Variants in CACNA2D4 observed in about 807,000 individuals in gnomAD.
The protein encoded by CACNA2D4 is voltage-dependent calcium channel subunit alpha-2/delta-4.
In CACNA2D4, 157 loss-of-function variants were observed where a neutral mutation model predicts 163.8. The ratio of observed to expected loss-of-function variants is 0.96; its 90% CI spans 0.84 to 1.09. The LOEUF (loss-of-function observed/expected upper bound fraction) is 1.09, where lower values mean the gene tolerates loss of function less well. Ranked by LOEUF, CACNA2D4 falls within the 50% of genes least tolerant of loss-of-function variation. The pLI, the probability that CACNA2D4 is intolerant of heterozygous loss-of-function variation, is 0.00. For synonymous variants in CACNA2D4, 598 were observed against 586.9 expected, an observed-to-expected ratio of 1.02 and a Z score of -0.27; for missense variants, 1,410 against 1,479.9, an observed-to-expected ratio of 0.95 and a Z score of 0.78.
At chr12:1,848,032 C>G (rs1181968185) in intron 23 of CACNA2D4, among the ~76,000 whole-genome samples, 4 of 152,160 alleles carry the variant, frequency 2.6e-5, no homozygotes, top group Non-Finnish European at 1.5e-5. Context: ...CTGTCTGTCT[C>G]TCTCTGTCTT....
intron 6 of CACNA2D4, among the ~76,000 whole-genome samples, chr12:1,892,916 CA>C (rs1249321220): frequency 6.6e-6 from 1 of 152,028 alleles, no homozygotes; most frequent in Non-Finnish European, 1.5e-5. Flanking sequence ...TATATAATGA[CA>C]AAAGGATCAA....
rs1392804687 is a variant in CACNA2D4, at chr12:1,875,314, T to C, written c.1743A>G (p.Lys581=). 1 of 1,613,550 alleles carries C rather than the reference T, an allele frequency of 6.2e-7. No individual in the cohort carries two copies. The highest frequency in any genetic ancestry group is 2.2e-5 in the East Asian group (1 of 44,874). The change falls in exon 17 of 38, where the codon AAA becomes AAG. Residue 581 remains lysine, a synonymous_variant. Coordinates refer to ENST00000382722, the MANE Select transcript of CACNA2D4 (RefSeq NM_172364.5). This position sits in a 1 kb window ranked among gnomAD's most constrained non-coding sequence, Gnocchi z 4.0. ...RPLYREGKKL[K]PKPNYNSVDL... ...CCACACTGTTGTAGTTAGGTTTGGG[T>C]TTTAGTTTCTTCCCCTCTCTGTACT...
rs1313756339 is a variant in CACNA2D4 at position 1,844,277 on chromosome 12, A to T, written c.2470+125T>A. Reference sequence around the variant, plus strand: ...CATGCAGGAGGGAAGGCAGGAGGGGAACCCTGGTGGTCTGGACATTCTATT... The same window carrying T: ...CATGCAGGAGGGAAGGCAGGAGGGGTACCCTGGTGGTCTGGACATTCTATT... On this transcript the variant is annotated intron_variant, in intron 25 of 37. Transcript: ENST00000382722. This position sits in a 1 kb window ranked among gnomAD's most constrained non-coding sequence, Gnocchi z 4.2. The T allele has an allele frequency of 5.9e-6, 7 of 1,179,844 alleles. No homozygotes were observed. In the Admixed American group the frequency reaches 1.8e-4, roughly 30 times the overall value. 73.1% of individuals were successfully genotyped at this position (1,179,844 alleles called of 1,614,324 possible). A position where few individuals can be genotyped will look rare whatever the true frequency, so the allele number is the denominator to read the frequency against.
At chr12:1,807,025 C>G (rs1863562236) in intron 29 of CACNA2D4, among the ~76,000 whole-genome samples, 1 of 151,962 alleles carries the variant, frequency 6.6e-6, no homozygotes, top group South Asian at 2.1e-4. Flanking sequence ...CCTGGGAGTC[C>G]TGCCCTTGTG....
chr12:1,893,969 G>GT (rs754580898), intron 6 of CACNA2D4, among the ~76,000 whole-genome samples: 2 of 152,068 alleles, frequency 1.3e-5, no homozygotes, highest in African/African-American at 2.4e-5. Flanking sequence ...TGAAAAGTTG[G>GT]TTTTTGAAAA....
At chr12:1,867,405 T>C (rs1245117183) in intron 18 of CACNA2D4, among the ~76,000 whole-genome samples, 4 of 152,122 alleles carry the variant, frequency 2.6e-5, no homozygotes, top group East Asian at 1.9e-4. Context: ...TTCCCCATTT[T>C]CCCCCTGGTT....
At chr12:1,822,308 G>A (rs1437988378) in intron 26 of CACNA2D4, among the ~76,000 whole-genome samples, 1 of 152,170 alleles carries the variant, frequency 6.6e-6, no homozygotes, top group African/African-American at 2.4e-5. Flanking sequence ...AAGGAGGAGG[G>A]GATGGCATGT....
chr12:1,795,556 G>T, intron 36 of CACNA2D4, 112 bp downstream of exon 36: 2 of 798,910 alleles, frequency 2.5e-6, no homozygotes, highest in Non-Finnish European at 3.9e-6. Context: ...GGAGCCCTGT[G>T]GAGGACACGG....
Position 1,914,835 on chromosome 12 carries a change from C to G in CACNA2D4, c.309+19G>C. 1.3e-6 allele frequency: 2 copies of G among 1,599,008 alleles called. No individual in the cohort carries two copies. Among genetic ancestry groups the G allele is most frequent in the South Asian group, 2.2e-5 (2 of 90,754 alleles). On this transcript the variant is annotated intron_variant, in intron 2 of 37. Coordinates refer to ENST00000382722, the MANE Select transcript of CACNA2D4 (RefSeq NM_172364.5). ...TGCCCTCTGCCACCCGGTGGGCTCTCTGGAAGGGGGTGACTGACCTTCTGC... is the reference window on the plus strand; with the variant it reads ...TGCCCTCTGCCACCCGGTGGGCTCTGTGGAAGGGGGTGACTGACCTTCTGC...
Position 1,874,506 on chromosome 12 carries a change from C to A in CACNA2D4, c.1878+98G>T. 2 of 799,380 alleles carry A rather than the reference C, an allele frequency of 2.5e-6. No homozygotes were observed. Among genetic ancestry groups the A allele is most frequent in the South Asian group, 1.6e-5 (1 of 63,842 alleles). The allele number at this position is 799,380 out of a possible 1,614,324, so 49.5% of individuals were successfully genotyped here. The stretch of plus-strand genomic sequence containing the variant: ...GTGCAGCAAGCACTCAACTCTTCAG[C>A]TATAATTAGGCTAAGTCCAGGTCCC... On this transcript the variant is annotated intron_variant, in intron 18 of 37. Transcript: ENST00000382722. The surrounding 1 kb of genome is among the most constrained non-coding windows in gnomAD (Gnocchi z 4.4).
Position 1,834,360 on chromosome 12 carries a change from C to T in CACNA2D4, c.2551+6379G>A. On this transcript the variant is annotated intron_variant, in intron 26 of 37. Transcript: ENST00000382722. This position sits in a 1 kb window ranked among gnomAD's most constrained non-coding sequence, Gnocchi z 7.6. ...CCCATGGAGATGTTCAACTACTGCT[C>T]CCAGCTGGAGGACGAGAATAGCTCA... The T allele has an allele frequency of 6.2e-7, 1 of 1,613,166 alleles. No homozygotes were observed. Among genetic ancestry groups the T allele is most frequent in the Non-Finnish European group, 8.5e-7 (1 of 1,179,984 alleles).
Position 1,874,753 on chromosome 12 carries a change from T to G in CACNA2D4, c.1807-78A>C. 1 of 1,033,462 alleles carries G rather than the reference T, an allele frequency of 9.7e-7. No homozygotes were observed. Among genetic ancestry groups the G allele is most frequent in the Non-Finnish European group, 1.5e-6 (1 of 658,386 alleles). 64.0% of individuals were successfully genotyped at this position (1,033,462 alleles called of 1,614,324 possible). A position where few individuals can be genotyped will look rare whatever the true frequency, so the allele number is the denominator to read the frequency against. On this transcript the variant is annotated intron_variant, in intron 17 of 37. Transcript: ENST00000382722. This position sits in a 1 kb window ranked among gnomAD's most constrained non-coding sequence, Gnocchi z 4.4. ...AAGTATGGCATTCTTCAGACCAGAT[T>G]AGAGGTGATCCCCAGAAACACTTTT... is the stretch of plus-strand genomic sequence containing the variant.
intron 26 of CACNA2D4, among the ~76,000 whole-genome samples, chr12:1,832,782 C>T (rs1301945058): frequency 6.6e-6 from 1 of 152,204 alleles, no homozygotes; most frequent in Non-Finnish European, 1.5e-5. Flanking sequence ...AACCTTACAG[C>T]AGCTAATTGA....
At chr12:1,853,836 C>A (rs898634488) in intron 23 of CACNA2D4, 115 bp downstream of exon 23, 8 of 749,714 alleles carry the variant, frequency 1.1e-5, no homozygotes, top group Admixed American at 2.2e-5. Flanking sequence ...AATCTTAGGC[C>A]AAAGGACGTG....
chr12:1,847,005 C>T (rs760318813), intron 23 of CACNA2D4, among the ~76,000 whole-genome samples: 18 of 152,192 alleles, frequency 1.2e-4, no homozygotes, highest in Non-Finnish European at 1.9e-4. Context: ...GAAGATGGAA[C>T]TTGGAAGGGA....
chr12:1,809,240 C>G, intron 29 of CACNA2D4: 1 of 470,664 alleles, frequency 2.1e-6, no homozygotes, highest in African/African-American at 2.0e-5. Flanking sequence ...CAGGCCAGAC[C>G]ACAGCCCTAC....
rs1390732470 is a variant in CACNA2D4 at position 1,799,045 on chromosome 12, A to T, written c.2995+630T>A. Among the ~76,000 whole-genome samples, 1 of 152,136 alleles carries T rather than the reference A, an allele frequency of 6.6e-6. No individual in the cohort carries two copies. The highest frequency in any genetic ancestry group is 1.5e-5 in the Non-Finnish European group (1 of 68,026). ...AGCCCAGGTGGTGGGAAGTTCTGGA[A>T]CCCCATGGCAAAGGTTCTAGGAACA... On this transcript the variant is annotated intron_variant, in intron 34 of 37. Coordinates refer to ENST00000382722, the MANE Select transcript of CACNA2D4 (RefSeq NM_172364.5). The surrounding 1 kb of genome is among the most constrained non-coding windows in gnomAD (Gnocchi z 4.7).
At position 1,917,983 on chromosome 12, in the gene CACNA2D4, T is replaced by C. The variant is rs1867034820; in HGVS notation, c.227+264A>G. 1.9e-5 allele frequency: 8 copies of C among 420,848 alleles called. No individual in the cohort carries two copies. In the South Asian group the frequency reaches 2.2e-4, roughly 12 times the overall value. The allele number at this position is 420,848 out of a possible 1,614,324, so 26.1% of individuals were successfully genotyped here. On this transcript the variant is annotated intron_variant, in intron 1 of 37. Coordinates refer to ENST00000382722, the MANE Select transcript of CACNA2D4 (RefSeq NM_172364.5). This position sits in a 1 kb window ranked among gnomAD's most constrained non-coding sequence, Gnocchi z 4.3. Reference sequence around the variant, plus strand: ...TGTCAGGCCAGGAAGACAGCAGCCCTGATGATCAGTTCTTCCTAAAGCCAT... The same window carrying C: ...TGTCAGGCCAGGAAGACAGCAGCCCCGATGATCAGTTCTTCCTAAAGCCAT...
chr12:1,815,978 C>T (rs1565681186), intron 26 of CACNA2D4, among the ~76,000 whole-genome samples: 2 of 152,206 alleles, frequency 1.3e-5, no homozygotes, highest in Non-Finnish European at 2.9e-5. Context: ...AGTGAGTCAA[C>T]GGTGTTCTGC....
Sources: allele counts gnomAD v4.1 joint callset (sites outside exome capture counted in the v4.1 genomes callset), GRCh38; gene constraint gnomAD v4.1.1; non-coding constraint Gnocchi (gnomAD v3.1); transcripts MANE v1.5; gene names NCBI Gene and HGNC (gene_info 2026-07-23, HGNC 2026-07-21).